SGCZ: variants seen among roughly 807,000 people sequenced by gnomAD.
SGCZ encodes zeta-sarcoglycan.
A neutral mutation model predicts 41.3 loss-of-function variants in SGCZ; 40 were observed. That is an observed-to-expected ratio of 0.97 (90% CI 0.75 to 1.26). The LOEUF (loss-of-function observed/expected upper bound fraction) is 1.26, where lower values mean the gene tolerates loss of function less well. Among genes scored for constraint, SGCZ ranks in the 50% most tolerant of loss-of-function variants. SGCZ has a pLI of 0.00. For missense variants in SGCZ, 552 were observed against 369.8 expected (o/e 1.49, Z -4.04); for synonymous variants, 206 against 137.5 (o/e 1.50, Z -3.49).
At chr8:14,567,472 C>G (rs555480127) in intron 1 of SGCZ, among the ~76,000 whole-genome samples, 2 of 152,080 alleles carry the variant, frequency 1.3e-5, no homozygotes, top group Admixed American at 6.6e-5. Context: ...GGATTGTAAA[C>G]GCACCAATCA....
chr8:14,638,732 T>C (rs539250690), intron 1 of SGCZ, among the ~76,000 whole-genome samples: 5 of 151,838 alleles, frequency 3.3e-5, no homozygotes, highest in Non-Finnish European at 5.9e-5. Context: ...TGTAGAGAAG[T>C]GAGCAATCCT....
chr8:14,639,751 G>A lies in SGCZ; in HGVS notation c.40-84825C>T, dbSNP rs189898456. ...ATAAAACCGATAAGGACTTTGTACT[G>A]GAAAAGAAGATGATTCTCATGTGAG... On this transcript the variant is annotated intron_variant, in intron 1 of 7. Transcript: ENST00000382080. Among the ~76,000 whole-genome samples, 938 of 151,486 alleles carry A rather than the reference G, an allele frequency of 6.2e-3. 8 individuals carry two copies. Among genetic ancestry groups the A allele is most frequent in the African/African-American group, 0.022 (896 of 41,382 alleles).
At chr8:14,589,884 A>T (rs1216819638) in intron 1 of SGCZ, among the ~76,000 whole-genome samples, 1 of 152,174 alleles carries the variant, frequency 6.6e-6, no homozygotes, top group African/African-American at 2.4e-5. Context: ...TATGGCACTG[A>T]CAGAATTTGA....
intron 2 of SGCZ, among the ~76,000 whole-genome samples, chr8:14,324,691 CA>C (rs1404334379): frequency 6.6e-6 from 1 of 152,020 alleles, no homozygotes; most frequent in African/African-American, 2.4e-5. Context: ...TTCCAGTGTT[CA>C]AACCATGAGT....
intron 2 of SGCZ, among the ~76,000 whole-genome samples, chr8:14,483,811 C>G (rs996604943): frequency 7.2e-5 from 11 of 151,974 alleles, no homozygotes; most frequent in African/African-American, 2.4e-4. Context: ...GCATAAATGA[C>G]AAAGTTATTT....
At chr8:14,254,429 CT>C (rs1043007088) in intron 3 of SGCZ, among the ~76,000 whole-genome samples, 1 of 152,180 alleles carries the variant, frequency 6.6e-6, no homozygotes, top group African/African-American at 2.4e-5. Context: ...CCTAATGCTA[CT>C]GGGGGCCAGG....
intron 1 of SGCZ, among the ~76,000 whole-genome samples, chr8:15,128,160 G>A (rs1468312643): frequency 1.3e-5 from 2 of 152,082 alleles, no homozygotes; most frequent in Non-Finnish European, 2.9e-5. Context: ...CCACATTGGC[G>A]ATCCAGAGTC....
chr8:14,647,133 A>C (rs1807247771), intron 1 of SGCZ, among the ~76,000 whole-genome samples: 1 of 152,026 alleles, frequency 6.6e-6, no homozygotes, highest in Non-Finnish European at 1.5e-5. Context: ...TCCCTTGCGC[A>C]GAAACATCTA....
At chr8:14,437,760 C>T (rs1800135096) in intron 2 of SGCZ, among the ~76,000 whole-genome samples, 1 of 151,494 alleles carries the variant, frequency 6.6e-6, no homozygotes, top group Admixed American at 6.6e-5. Context: ...TGTTGCCTGA[C>T]TAAAAATAAG....
In SGCZ at chr8:14,549,088, C is replaced by G. The variant is rs192521891; in HGVS notation, c.234+5644G>C. On this transcript the variant is annotated intron_variant, in intron 2 of 7. Transcript: ENST00000382080. ...GCCGGCCAATGCTGCCTGTTAATTA[C>G]CAGCATATCTTGCCTTAAGGTAGAG... Among the ~76,000 whole-genome samples the G allele has an allele frequency of 2.6e-5, 4 of 152,098 alleles. No individual in the cohort carries two copies. In the East Asian group the frequency reaches 7.7e-4, roughly 29 times the overall value.
Position 15,229,692 on chromosome 8 carries a change from C to T in SGCZ, c.39+7893G>A, listed in dbSNP as rs547646009. Among the ~76,000 whole-genome samples, 6 of 152,280 alleles carry T rather than the reference C, an allele frequency of 3.9e-5. No individual in the cohort carries two copies. In the South Asian group the frequency reaches 1.2e-3, roughly 32 times the overall value. ...TTCTGTTTTGGATTTTAAAAGCCCT[C>T]AAATACTCTGAGTAAACACAGACTT... On this transcript the variant is annotated intron_variant, in intron 1 of 7. Coordinates refer to ENST00000382080, the MANE Select transcript of SGCZ (RefSeq NM_139167.4).
intron 1 of SGCZ, among the ~76,000 whole-genome samples, chr8:15,124,350 T>C (rs1479125617): frequency 6.6e-6 from 1 of 152,138 alleles, no homozygotes; most frequent in Non-Finnish European, 1.5e-5. Context: ...CAAGGAAGAA[T>C]TTCATATTGT....
intron 1 of SGCZ, among the ~76,000 whole-genome samples, chr8:14,702,078 A>G (rs1585193684): frequency 6.6e-6 from 1 of 151,424 alleles, no homozygotes; most frequent in African/African-American, 2.4e-5. Context: ...TGCCTTCCTC[A>G]CTCCACAAAA....
intron 2 of SGCZ, among the ~76,000 whole-genome samples, chr8:14,518,311 T>C (rs1421927171): frequency 6.6e-6 from 1 of 152,086 alleles, no homozygotes; most frequent in African/African-American, 2.4e-5. Context: ...TATTTATATG[T>C]CCCTGCAGAT....
chr8:14,708,335 C>A (rs1484970015), intron 1 of SGCZ, among the ~76,000 whole-genome samples: 1 of 151,604 alleles, frequency 6.6e-6, no homozygotes, highest in Non-Finnish European at 1.5e-5. Context: ...TAGTAAATAT[C>A]TATTATTTGT....
intron 3 of SGCZ, among the ~76,000 whole-genome samples, chr8:14,274,611 C>T (rs1425588591): frequency 1.3e-5 from 2 of 152,086 alleles, no homozygotes; most frequent in Non-Finnish European, 1.5e-5. Context: ...TCCTTCAAAA[C>T]TTAGTCCAGA....
At chr8:14,833,398 G>A (rs1053833853) in intron 1 of SGCZ, among the ~76,000 whole-genome samples, 4 of 152,118 alleles carry the variant, frequency 2.6e-5, no homozygotes, top group Non-Finnish European at 4.4e-5. Flanking sequence ...ACAGATCTGT[G>A]AGTACACCTT....
intron 4 of SGCZ, among the ~76,000 whole-genome samples, chr8:14,236,911 T>A (rs1334149307): frequency 2.0e-5 from 3 of 151,812 alleles, no homozygotes; most frequent in Non-Finnish European, 2.9e-5. Flanking sequence ...AAAAAATTAA[T>A]ACTTCACCAT....
At chr8:15,137,580 C>A (rs1441770633) in intron 1 of SGCZ, among the ~76,000 whole-genome samples, 1 of 152,134 alleles carries the variant, frequency 6.6e-6, no homozygotes, top group South Asian at 2.1e-4. Context: ...CCCTGTGTCC[C>A]AGATGCTCCA....
Sources: gnomAD v4.1 joint callset for allele counts (sites outside exome capture counted in the v4.1 genomes callset) on GRCh38, gnomAD v4.1.1 for gene constraint, MANE v1.5 for transcripts, NCBI Gene and HGNC (gene_info 2026-07-23, HGNC 2026-07-21) for gene names.